Variants in NKAIN2 observed in about 807,000 individuals in gnomAD.
NKAIN2 encodes the protein sodium/potassium-transporting ATPase subunit beta-1-interacting protein 2.
Under a neutral mutation model 32.6 loss-of-function variants are expected in NKAIN2, and 14 were observed. That is an observed-to-expected ratio of 0.43 (90% confidence interval 0.28 to 0.67). NKAIN2 has a LOEUF of 0.67. Among genes scored for constraint, NKAIN2 ranks in the 30% least tolerant of loss-of-function variants. NKAIN2 has a pLI of 0.17. For missense variants in NKAIN2, 198 were observed against 258.3 expected, an observed-to-expected ratio of 0.77 and a Z score of 1.60; for synonymous variants, 80 against 87.2, an observed-to-expected ratio of 0.92 and a Z score of 0.46.
intron 3 of NKAIN2, among the ~76,000 whole-genome samples, chr6:124,506,924 A>G (rs1017622656): frequency 6.6e-5 from 10 of 152,114 alleles, no homozygotes; most frequent in Admixed American, 6.5e-5. Flanking sequence ...TCAAAAATGC[A>G]GAATCTCAGG....
At chr6:124,128,762 G>A (rs1264343687) in intron 1 of NKAIN2, among the ~76,000 whole-genome samples, 3 of 152,100 alleles carry the variant, frequency 2.0e-5, no homozygotes, top group Non-Finnish European at 4.4e-5. Flanking sequence ...TTATTACTAT[G>A]TTCATTTATC....
chr6:124,104,354 G>C (rs1362233024), intron 1 of NKAIN2, among the ~76,000 whole-genome samples: 13 of 152,138 alleles, frequency 8.5e-5, no homozygotes, highest in Admixed American at 8.5e-4. Context: ...TGTTGCTGAG[G>C]TGGTAGTTGA....
At chr6:124,076,153 C>T (rs1479835018) in intron 1 of NKAIN2, among the ~76,000 whole-genome samples, 2 of 152,234 alleles carry the variant, frequency 1.3e-5, no homozygotes, top group East Asian at 3.9e-4. Flanking sequence ...GAATCTAGTG[C>T]TCATAGTTTT....
intron 4 of NKAIN2, among the ~76,000 whole-genome samples, chr6:124,770,880 A>G (rs1778721889): frequency 6.6e-6 from 1 of 152,160 alleles, no homozygotes; most frequent in South Asian, 2.1e-4. Flanking sequence ...AACTAAAATA[A>G]TACCAAAAAA....
chr6:124,271,027 TC>T (rs1350637866), intron 1 of NKAIN2, among the ~76,000 whole-genome samples: 1 of 152,158 alleles, frequency 6.6e-6, no homozygotes, highest in Non-Finnish European at 1.5e-5. Context: ...GGGAGTGGTT[TC>T]CCCCATGTTG....
intron 1 of NKAIN2, among the ~76,000 whole-genome samples, chr6:124,083,255 A>T (rs962260199): frequency 6.6e-6 from 1 of 151,854 alleles, no homozygotes; most frequent in African/African-American, 2.4e-5. Flanking sequence ...GTAAAATGGG[A>T]TATTTACAGG....
chr6:123,844,142 A>G (rs1216269393), intron 1 of NKAIN2, among the ~76,000 whole-genome samples: 1 of 152,156 alleles, frequency 6.6e-6, no homozygotes. Flanking sequence ...TTCTCCTTTA[A>G]TTCAAAGCAC....
chr6:124,667,041 T>G (rs1772833300), intron 4 of NKAIN2, among the ~76,000 whole-genome samples: 1 of 152,146 alleles, frequency 6.6e-6, no homozygotes, highest in Admixed American at 6.6e-5. Flanking sequence ...CCTACTAAAT[T>G]TACTTACTCC....
At chr6:124,177,634 T>C (rs112974596) in intron 1 of NKAIN2, among the ~76,000 whole-genome samples, 2,140 of 152,252 alleles carry the variant, frequency 0.014, 48 homozygotes, top group African/African-American at 0.049. Flanking sequence ...AGTTTTTTTT[T>C]CCCCAAAATC....
intron 4 of NKAIN2, among the ~76,000 whole-genome samples, chr6:124,714,038 C>T (rs574904969): frequency 5.9e-5 from 9 of 152,340 alleles, no homozygotes; most frequent in South Asian, 2.1e-4. Flanking sequence ...CTCCTGAATG[C>T]GTCCTTTCTG....
intron 1 of NKAIN2, among the ~76,000 whole-genome samples, chr6:124,167,792 T>A (rs1788636072): frequency 6.6e-6 from 1 of 152,202 alleles, no homozygotes; most frequent in Non-Finnish European, 1.5e-5. Flanking sequence ...GGTTTTTGTC[T>A]TTGGTTCTGT....
chr6:124,799,251 C>T (rs1780148188), intron 5 of NKAIN2, among the ~76,000 whole-genome samples: 1 of 152,190 alleles, frequency 6.6e-6, no homozygotes, highest in South Asian at 2.1e-4. Context: ...ATAATTTTCA[C>T]ATAATCTCCC....
intron 1 of NKAIN2, among the ~76,000 whole-genome samples, chr6:124,038,101 G>A (rs1055698323): frequency 1.3e-5 from 2 of 152,130 alleles, no homozygotes; most frequent in South Asian, 2.1e-4. Flanking sequence ...TGCTGGAATC[G>A]AGGATAGTAA....
chr6:124,121,898 T>A lies in NKAIN2; in HGVS notation c.55-161107T>A, dbSNP rs983817151. On this transcript the variant is annotated intron_variant, in intron 1 of 6. Coordinates refer to ENST00000368417, the MANE Select transcript of NKAIN2 (RefSeq NM_001040214.3). The stretch of plus-strand genomic sequence containing the variant: ...TACAGGTACTGAAGATGGATGGGGA[T>A]CATTAGGTTTCTCTTATTATATTGT... 3 of 1,243,856 alleles carry A rather than the reference T, an allele frequency of 2.4e-6. No individual in the cohort carries two copies. The African/African-American group carries it at 4.6e-5, about 19-fold the overall frequency. 77.1% of individuals were successfully genotyped at this position (1,243,856 alleles called of 1,614,324 possible).
chr6:124,588,316 T>G (rs908625354), intron 3 of NKAIN2, among the ~76,000 whole-genome samples: 1 of 152,200 alleles, frequency 6.6e-6, no homozygotes, highest in Non-Finnish European at 1.5e-5. Context: ...CTCAAGAATT[T>G]TTCTTTACTA....
intron 1 of NKAIN2, among the ~76,000 whole-genome samples, chr6:124,069,073 T>G (rs1783321604): frequency 2.6e-5 from 4 of 152,134 alleles, no homozygotes; most frequent in Admixed American, 2.6e-4. Flanking sequence ...GATCACTACA[T>G]TTTGAAAACC....
chr6:123,861,279 A>G (rs973794583), intron 1 of NKAIN2, among the ~76,000 whole-genome samples: 11 of 152,252 alleles, frequency 7.2e-5, no homozygotes, highest in Non-Finnish European at 1.0e-4. Flanking sequence ...AGTCTATTTC[A>G]TTTTAGTAGC....
intron 2 of NKAIN2, among the ~76,000 whole-genome samples, chr6:124,304,706 A>T (rs987139217): frequency 1.3e-5 from 2 of 152,060 alleles, no homozygotes; most frequent in African/African-American, 4.8e-5. Context: ...ATGAGGTCAG[A>T]AGATAGAGAC....
intron 1 of NKAIN2, among the ~76,000 whole-genome samples, chr6:123,905,050 A>T (rs1251424640): frequency 6.6e-6 from 1 of 152,186 alleles, no homozygotes; most frequent in African/African-American, 2.4e-5. Flanking sequence ...AAAATGGAAA[A>T]TTGCTAAGAA....
Sources: allele counts gnomAD v4.1 joint callset (sites outside exome capture counted in the v4.1 genomes callset), GRCh38; gene constraint gnomAD v4.1.1; transcripts MANE v1.5; gene names NCBI Gene and HGNC (gene_info 2026-07-23, HGNC 2026-07-21).